The following ZNF76 variants were observed in gnomAD, a reference collection of about 807,000 sequenced individuals.
ZNF76 encodes zinc finger protein 523.
ZNF76 carries 66 observed loss-of-function variants against 66.9 expected under a neutral mutation model. The observed-to-expected ratio is 0.99, with a 90% confidence interval of 0.81 to 1.21. The LOEUF (loss-of-function observed/expected upper bound fraction) is 1.21. Among genes scored for constraint, ZNF76 ranks in the 50% most tolerant of loss-of-function variants. The probability of loss-of-function intolerance (pLI) is 0.00; values close to 1 mark genes in which losing one functional copy is unlikely to be tolerated. For synonymous variants in ZNF76, 275 were observed against 296.1 expected (o/e 0.93, Z 0.73); for missense variants, 729 against 760.3 (o/e 0.96, Z 0.48).
Position 35,293,808 on chromosome 6 carries a change from C to CAGCACGGCAGCA in ZNF76, c.1388_1399dup (p.Ser466_Thr467insLysHisGlySer). 6.2e-7 allele frequency: 1 copy of CAGCACGGCAGCA among 1,614,126 alleles called. No homozygotes were observed. Among genetic ancestry groups the CAGCACGGCAGCA allele is most frequent in the Non-Finnish European group, 8.5e-7 (1 of 1,180,042 alleles). On this transcript the variant is annotated inframe_insertion, in exon 12 of 14. Coordinates refer to ENST00000373953, the MANE Select transcript of ZNF76 (RefSeq NM_003427.5). Reference sequence around the variant, plus strand: ...GGGGAGTGCCATCAGTATGGTCACCCAGCACGGCAGCACCACCCTCACCAT... The same window carrying CAGCACGGCAGCA: ...GGGGAGTGCCATCAGTATGGTCACCCAGCACGGCAGCAAGCACGGCAGCACCACCCTCACCAT...
intron 3 of ZNF76, 51 bp from the exon 4 acceptor site, chr6:35,286,271 C>T (rs1412568492): frequency 1.9e-6 from 3 of 1,612,862 alleles, no homozygotes; most frequent in Non-Finnish European, 2.5e-6. Context: ...ACCAAGGGAC[C>T]CCTCCATGGC....
At chr6:35,276,792 T>G (rs1365544128) in intron 1 of ZNF76, among the ~76,000 whole-genome samples, 1 of 3,086 alleles carries the variant, frequency 3.2e-4, no homozygotes, top group East Asian at 1.9e-3. Flanking sequence ...TATTTATGGG[T>G]TTTTTTTTTT....
intron 2 of ZNF76, among the ~76,000 whole-genome samples, chr6:35,285,100 C>T (rs776189821): frequency 1.3e-5 from 2 of 152,210 alleles, no homozygotes; most frequent in Admixed American, 6.5e-5. Context: ...AAGGAAGGGT[C>T]GTCTAGTTCT....
chr6:35,276,837 C>A (rs1372703519), intron 1 of ZNF76, among the ~76,000 whole-genome samples: 1 of 137,124 alleles, frequency 7.3e-6, no homozygotes, highest in Non-Finnish European at 1.5e-5. Context: ...GCTGTTGTTG[C>A]CCAGGCTAGA....
Position 35,287,985 on chromosome 6 carries a change from C to T in ZNF76, c.432+140C>T. ...GCTTGGGCACCATGTGGGATATTCC[C>T]TTTGCCCCTCCACCCCAGCTCCCCC... On this transcript the variant is annotated intron_variant, in intron 5 of 13. Transcript: ENST00000373953. This position sits in a 1 kb window ranked among gnomAD's most constrained non-coding sequence, Gnocchi z 4.0. 5.1e-6 allele frequency: 5 copies of T among 971,710 alleles called. No individual in the cohort carries two copies. Among genetic ancestry groups the T allele is most frequent in the Non-Finnish European group, 7.9e-6 (5 of 631,162 alleles). 60.2% of individuals were successfully genotyped at this position (971,710 alleles called of 1,614,324 possible). A position where few individuals can be genotyped will look rare whatever the true frequency, so the allele number is the denominator to read the frequency against.
intron 1 of ZNF76, among the ~76,000 whole-genome samples, chr6:35,280,547 G>A (rs776887680): frequency 1.4e-5 from 2 of 147,602 alleles, no homozygotes; most frequent in Non-Finnish European, 3.0e-5. Flanking sequence ...AGTTCTGGGT[G>A]GAAGGCGATA....
intron 1 of ZNF76, among the ~76,000 whole-genome samples, chr6:35,273,417 C>A (rs953461273): frequency 6.6e-6 from 1 of 151,400 alleles, no homozygotes; most frequent in East Asian, 2.1e-4. Flanking sequence ...TAATGATCTG[C>A]CTGCCTCAGC....
chr6:35,288,046 A>C (rs1328153889), intron 5 of ZNF76: 1 of 718,136 alleles, frequency 1.4e-6, no homozygotes, highest in Non-Finnish European at 2.5e-6. Context: ...TAGGGCATGC[A>C]ACACAGCCTG....
chr6:35,295,083 C>A, intron 13 of ZNF76, 61 bp from the exon 14 acceptor site: 2 of 1,362,626 alleles, frequency 1.5e-6, no homozygotes, highest in Non-Finnish European at 2.0e-6. Context: ...ATATTACTAA[C>A]ACTGGAATCT....
rs769211235 is a variant in ZNF76 at position 35,292,912 on chromosome 6, C to A, written c.1197C>A (p.Pro399=). 2.5e-6 allele frequency: 4 copies of A among 1,614,228 alleles called. No individual in the cohort carries two copies. Among genetic ancestry groups the A allele is most frequent in the Non-Finnish European group, 3.4e-6 (4 of 1,180,046 alleles). The change falls in exon 11 of 14, where the codon CCC becomes CCA. Residue 399 remains proline, a synonymous_variant. Transcript: ENST00000373953. This position sits in a 1 kb window ranked among gnomAD's most constrained non-coding sequence, Gnocchi z 4.7. ...CTGCAGCCGAGGAGAGTCCGCCACC[C>A]AAACGACCCCGGATAGCTTACCTTT... ...AASAAEESPP[P]KRPRIAYLSE...
intron 1 of ZNF76, among the ~76,000 whole-genome samples, chr6:35,265,280 G>C (rs1785833792): frequency 6.6e-6 from 1 of 152,132 alleles, no homozygotes; most frequent in African/African-American, 2.4e-5. Flanking sequence ...GCTGGGTTGG[G>C]TAGATAACAT....
chr6:35,278,574 A>G (rs1788277971), intron 1 of ZNF76, among the ~76,000 whole-genome samples: 1 of 152,232 alleles, frequency 6.6e-6, no homozygotes, highest in South Asian at 2.1e-4. Context: ...TGACATGAAA[A>G]CAGTTTGGGT....
intron 13 of ZNF76, 67 bp from the exon 14 acceptor site, chr6:35,295,077 T>TA: frequency 4.6e-6 from 6 of 1,312,056 alleles, no homozygotes; most frequent in Non-Finnish European, 6.4e-6. Flanking sequence ...GGCCACATAT[T>TA]ACTAACACTG....
In ZNF76 at chr6:35,295,869, G is replaced by A. The variant is rs1304696238; in HGVS notation, c.*621G>A. 1 of 153,814 alleles carries A rather than the reference G, an allele frequency of 6.5e-6. No homozygotes were observed. Among genetic ancestry groups the A allele is most frequent in the Non-Finnish European group, 1.5e-5 (1 of 68,844 alleles). 9.5% of individuals were successfully genotyped at this position (153,814 alleles called of 1,614,324 possible). ...GGAGTGGCCCTGTACATAGACTGCTGGGGATTGGGTTTGATTTGTTTTGTT... is the reference window on the plus strand; with the variant it reads ...GGAGTGGCCCTGTACATAGACTGCTAGGGATTGGGTTTGATTTGTTTTGTT... On this transcript the variant is annotated 3_prime_UTR_variant, in exon 14 of 14. Transcript: ENST00000373953.
chr6:35,294,462 A>T lies in ZNF76; in HGVS notation c.1501A>T (p.Ile501Phe). ...ACCTCCTTTTGTCTTTCAGGTCACA[A>T]TCATTACCTCTGGGGCTGTGGTGGC... The part of the protein sequence containing the change: ...ADGTQTQPVT[I>F]ITSGAVVAED... The change falls in exon 13 of 14, where the codon ATC becomes TTC. Residue 501 changes from isoleucine to phenylalanine, a missense_variant. Coordinates refer to ENST00000373953, the MANE Select transcript of ZNF76 (RefSeq NM_003427.5). 3.1e-6 allele frequency: 5 copies of T among 1,613,118 alleles called. No individual in the cohort carries two copies.
At chr6:35,295,115 T>A (rs1209658554) in intron 13 of ZNF76, 29 bp from the exon 14 acceptor site, 2 of 1,573,208 alleles carry the variant, frequency 1.3e-6, no homozygotes, top group Non-Finnish European at 1.7e-6. Context: ...TCTCACTGTC[T>A]CCTTCCTTCT....
chr6:35,292,406 C>T lies in ZNF76; in HGVS notation c.932-148C>T. Reference sequence around the variant, plus strand: ...TCTCTGTGTTCCACTGGCCATCTTCCCCAACCCTGTCCATTCAGAGTCTCA... The same window carrying T: ...TCTCTGTGTTCCACTGGCCATCTTCTCCAACCCTGTCCATTCAGAGTCTCA... On this transcript the variant is annotated intron_variant, in intron 9 of 13. Coordinates refer to ENST00000373953, the MANE Select transcript of ZNF76 (RefSeq NM_003427.5). The surrounding 1 kb of genome is among the most constrained non-coding windows in gnomAD (Gnocchi z 4.7). 2 of 784,450 alleles carry T rather than the reference C, an allele frequency of 2.5e-6. No homozygotes were observed. Among genetic ancestry groups the T allele is most frequent in the South Asian group, 3.3e-5 (2 of 59,886 alleles). The allele number at this position is 784,450 out of a possible 1,614,324, so 48.6% of individuals were successfully genotyped here. A position where few individuals can be genotyped will look rare whatever the true frequency, so the allele number is the denominator to read the frequency against.
chr6:35,265,328 G>A (rs1017657322), intron 1 of ZNF76, among the ~76,000 whole-genome samples: 26 of 152,034 alleles, frequency 1.7e-4, no homozygotes, highest in African/African-American at 5.5e-4. Context: ...CCAACATGGC[G>A]AAACCCCAGC....
chr6:35,288,102 CTT>C (rs571779683), intron 5 of ZNF76: 51 of 661,404 alleles, frequency 7.7e-5, no homozygotes, highest in African/African-American at 7.6e-4. Flanking sequence ...TTTACGCTGT[CTT>C]TGCAGAGGGA....
Sources: gnomAD v4.1 joint callset for allele counts (sites outside exome capture counted in the v4.1 genomes callset) on GRCh38, gnomAD v4.1.1 for gene constraint, Gnocchi (gnomAD v3.1) non-coding constraint, MANE v1.5 for transcripts, NCBI Gene and HGNC (gene_info 2026-07-23, HGNC 2026-07-21) for gene names.